The following GUCA1C variants were observed in gnomAD, a reference collection of about 807,000 sequenced individuals.
The protein encoded by GUCA1C is guanylyl cyclase-activating protein 3.
A neutral mutation model predicts 16.2 loss-of-function variants in GUCA1C; 15 were observed. The ratio of observed to expected loss-of-function variants is 0.93; its 90% CI spans 0.62 to 1.43. The LOEUF (loss-of-function observed/expected upper bound fraction) is 1.43. Among genes scored for constraint, GUCA1C ranks in the 40% most tolerant of loss-of-function variants. GUCA1C has a pLI of 0.00. For missense variants in GUCA1C, 275 were observed against 244.8 expected, an observed-to-expected ratio of 1.12 and a Z score of -0.82; for synonymous variants, 78 against 85.4, an observed-to-expected ratio of 0.91 and a Z score of 0.48.
rs557527316 is a variant in GUCA1C at position 108,912,571 on chromosome 3, A to T, written c.442+3556T>A. ...TAAAAAAATTGAATAATACAGAAAG[A>T]TGTAAAGAAAAGAAAAAAATTGCCC... On this transcript the variant is annotated intron_variant, in intron 3 of 3. Transcript: ENST00000261047. Among the ~76,000 whole-genome samples, 3 of 152,192 alleles carry T rather than the reference A, an allele frequency of 2.0e-5. No homozygotes were observed. The East Asian group carries it at 5.8e-4, about 29-fold the overall frequency.
chr3:108,940,604 A>G (rs1214027930), intron 1 of GUCA1C, among the ~76,000 whole-genome samples: 3 of 152,258 alleles, frequency 2.0e-5, no homozygotes, highest in Non-Finnish European at 4.4e-5. Flanking sequence ...ATAAATGTCC[A>G]AAGCATTAAG....
upstream of GUCA1C, among the ~76,000 whole-genome samples, chr3:108,954,893 C>T (rs2922135): frequency 0.12 from 18,515 of 151,860 alleles, 1,211 homozygotes; most frequent in Non-Finnish European, 0.15. Context: ...CCCGCCACCA[C>T]GCCCAGCTAA....
chr3:108,917,981 G>C (rs892753088), intron 2 of GUCA1C, among the ~76,000 whole-genome samples: 1 of 152,184 alleles, frequency 6.6e-6, no homozygotes, highest in East Asian at 1.9e-4. Context: ...GGAGGTGGAG[G>C]TTGCAGTGAG....
intron 1 of GUCA1C, among the ~76,000 whole-genome samples, chr3:108,935,396 AAG>A (rs1281966157): frequency 1.3e-5 from 2 of 152,124 alleles, no homozygotes; most frequent in Non-Finnish European, 2.9e-5. Flanking sequence ...TATATCTATA[AAG>A]AAAGCATAAA....
chr3:108,921,486 G>A (rs188469891), intron 1 of GUCA1C, among the ~76,000 whole-genome samples: 1 of 152,298 alleles, frequency 6.6e-6, no homozygotes, highest in African/African-American at 2.4e-5. Context: ...ATATGTAGGA[G>A]TATGTTTAGT....
chr3:108,914,063 T>C (rs62266500), intron 3 of GUCA1C, among the ~76,000 whole-genome samples: 14,669 of 152,052 alleles, frequency 0.096, 730 homozygotes, highest in Middle Eastern at 0.15. Context: ...AAGACTCCAT[T>C]TTAAATAATA....
chr3:108,945,289 C>T (rs1425598865), intron 1 of GUCA1C, among the ~76,000 whole-genome samples: 2 of 152,232 alleles, frequency 1.3e-5, no homozygotes, highest in Non-Finnish European at 2.9e-5. Context: ...CCCTCAAAGG[C>T]TCACTAGGCT....
intron 1 of GUCA1C, among the ~76,000 whole-genome samples, chr3:108,939,323 G>GCTTTTTTTTTTTTTTTTTTTT (rs1946761174): frequency 3.0e-5 from 1 of 33,226 alleles, no homozygotes. Context: ...TTGCTTCAAG[G>GCTTTTTTTTTTTTTTTTTTTT]CTTTTTTTTT....
intron 1 of GUCA1C, among the ~76,000 whole-genome samples, chr3:108,921,777 C>A (rs1007435411): frequency 2.0e-5 from 3 of 151,852 alleles, no homozygotes; most frequent in African/African-American, 7.3e-5. Flanking sequence ...GATTGTTTTC[C>A]TTTTTTCAAT....
chr3:108,927,568 C>A (rs529700471), intron 1 of GUCA1C, among the ~76,000 whole-genome samples: 18 of 151,642 alleles, frequency 1.2e-4, no homozygotes, highest in African/African-American at 4.4e-4. Context: ...CTAACTGGGT[C>A]CTTGATTTCC....
chr3:108,949,596 TC>T (rs1946876847), intron 1 of GUCA1C, among the ~76,000 whole-genome samples: 1 of 152,110 alleles, frequency 6.6e-6, no homozygotes, highest in Non-Finnish European at 1.5e-5. Context: ...TCAATTACAT[TC>T]CCCAAAGGTC....
chr3:108,954,349 A>G (rs2252973), upstream of GUCA1C, among the ~76,000 whole-genome samples: 52,555 of 152,000 alleles, frequency 0.35, 9,505 homozygotes, highest in Middle Eastern at 0.49. Context: ...AAAATAGGTA[A>G]AGAGAATTAA....
At chr3:108,917,767 C>T (rs551210126) in intron 2 of GUCA1C, among the ~76,000 whole-genome samples, 4 of 152,032 alleles carry the variant, frequency 2.6e-5, no homozygotes, top group South Asian at 2.1e-4. Context: ...AATCTGCAGC[C>T]GGGCACGGTG....
chr3:108,952,065 A>G (rs1193506415), intron 1 of GUCA1C, among the ~76,000 whole-genome samples: 4 of 152,220 alleles, frequency 2.6e-5, no homozygotes, highest in Non-Finnish European at 5.9e-5. Flanking sequence ...TCGATAGCTC[A>G]TTTTCTAACC....
intron 1 of GUCA1C, among the ~76,000 whole-genome samples, chr3:108,951,314 A>C (rs1026394488): frequency 6.6e-6 from 1 of 152,208 alleles, no homozygotes; most frequent in Non-Finnish European, 1.5e-5. Flanking sequence ...AAAATGGGTA[A>C]TTATGTGAGA....
intron 3 of GUCA1C, among the ~76,000 whole-genome samples, chr3:108,910,695 G>C (rs1223591010): frequency 6.6e-6 from 1 of 151,178 alleles, no homozygotes; most frequent in African/African-American, 2.4e-5. Flanking sequence ...TGTCTCCCAG[G>C]CTGGAGTGCA....
At chr3:108,923,162 GC>G (rs1946585389) in intron 1 of GUCA1C, among the ~76,000 whole-genome samples, 1 of 152,160 alleles carries the variant, frequency 6.6e-6, no homozygotes, top group Non-Finnish European at 1.5e-5. Context: ...CGCTGCAGAA[GC>G]TTTTTAGTTT....
intron 1 of GUCA1C, among the ~76,000 whole-genome samples, chr3:108,935,880 A>C (rs1946722527): frequency 6.6e-6 from 1 of 152,198 alleles, no homozygotes; most frequent in Admixed American, 6.5e-5. Context: ...AGTGGAATAT[A>C]TGGTCTTCAG....
intron 1 of GUCA1C, among the ~76,000 whole-genome samples, chr3:108,949,520 G>A (rs946072337): frequency 6.6e-6 from 1 of 152,166 alleles, no homozygotes. Context: ...GGTAGTCTAA[G>A]CCCAGGCAGC....
Sources: gnomAD v4.1 joint callset for allele counts (sites outside exome capture counted in the v4.1 genomes callset) on GRCh38, gnomAD v4.1.1 for gene constraint, MANE v1.5 for transcripts, NCBI Gene and HGNC (gene_info 2026-07-23, HGNC 2026-07-21) for gene names.